The following CNTNAP2 variants were observed in gnomAD, a reference collection of about 807,000 sequenced individuals.
The protein encoded by CNTNAP2 is contactin associated protein 2, also known as contactin-associated protein-like 2.
CNTNAP2 carries 98 observed loss-of-function variants against 155.2 expected under a neutral mutation model. The ratio of observed to expected loss-of-function variants is 0.63; its 90% confidence interval spans 0.54 to 0.75. The LOEUF (loss-of-function observed/expected upper bound fraction) is 0.75, where lower values mean the gene tolerates loss of function less well. Among genes scored for constraint, CNTNAP2 ranks in the 30% least tolerant of loss-of-function variants. The pLI, the probability that CNTNAP2 is intolerant of heterozygous loss-of-function variation, is 0.00. For synonymous variants in CNTNAP2, 651 were observed against 631.2 expected, an observed-to-expected ratio of 1.03 and a Z score of -0.47; for missense variants, 1,727 against 1,688.1, an observed-to-expected ratio of 1.02 and a Z score of -0.40.
chr7:147,604,134 A>C (rs1160016402), intron 12 of CNTNAP2, among the ~76,000 whole-genome samples: 2 of 152,114 alleles, frequency 1.3e-5, no homozygotes, highest in Non-Finnish European at 2.9e-5. Flanking sequence ...AAGAAAACCT[A>C]GGCATTACCA....
chr7:146,608,488 C>G (rs1021476592), intron 1 of CNTNAP2, among the ~76,000 whole-genome samples: 3 of 152,104 alleles, frequency 2.0e-5, no homozygotes, highest in Admixed American at 6.6e-5. Flanking sequence ...AATGACAATA[C>G]AGATTACATG....
chr7:146,831,242 ATTTATGGTT>A (rs923352850), intron 2 of CNTNAP2, among the ~76,000 whole-genome samples: 80 of 152,150 alleles, frequency 5.3e-4, no homozygotes, highest in African/African-American at 1.9e-3. Flanking sequence ...TGTTTTTAAA[ATTTATGGTT>A]TTTATGGTTT....
At chr7:148,407,854 G>A (rs528745467) in intron 22 of CNTNAP2, among the ~76,000 whole-genome samples, 1 of 152,276 alleles carries the variant, frequency 6.6e-6, no homozygotes, top group East Asian at 1.9e-4. Context: ...AGCTTGCTTA[G>A]TGTCTGTGCT....
chr7:147,955,921 A>G (rs1458313574), intron 14 of CNTNAP2, among the ~76,000 whole-genome samples: 1 of 152,228 alleles, frequency 6.6e-6, no homozygotes, highest in East Asian at 1.9e-4. Flanking sequence ...ACTGACTATA[A>G]TCAAACCACA....
chr7:148,234,767 G>T (rs916621690), intron 20 of CNTNAP2, among the ~76,000 whole-genome samples: 1 of 152,212 alleles, frequency 6.6e-6, no homozygotes, highest in African/African-American at 2.4e-5. Flanking sequence ...GCTGGAAAAT[G>T]ATAATGAATA....
At chr7:147,947,640 A>G (rs1464291907) in intron 14 of CNTNAP2, among the ~76,000 whole-genome samples, 1 of 152,028 alleles carries the variant, frequency 6.6e-6, no homozygotes, top group African/African-American at 2.4e-5. Flanking sequence ...CTAAAAAAAC[A>G]AAAAATAAAA....
chr7:148,093,451 C>T (rs983656196), intron 15 of CNTNAP2, among the ~76,000 whole-genome samples: 10 of 152,206 alleles, frequency 6.6e-5, no homozygotes, highest in African/African-American at 2.4e-4. Context: ...GTTCAACATA[C>T]TTGGAAAATA....
In CNTNAP2 at chr7:147,011,844, C is replaced by T. The variant is rs1383932498; in HGVS notation, c.403-32063C>T. Among the ~76,000 whole-genome samples the T allele has an allele frequency of 2.0e-5, 3 of 152,150 alleles. No individual in the cohort carries two copies. In the East Asian group the frequency reaches 5.8e-4, roughly 29 times the overall value. On this transcript the variant is annotated intron_variant, in intron 3 of 23. Coordinates refer to ENST00000361727, the MANE Select transcript of CNTNAP2 (RefSeq NM_014141.6). ...GATGGCAGCCATTCCAGAAAGTGTC[C>T]AGCACCATATTCAGGAGGAAGGAAC...
chr7:146,795,290 A>G (rs1457477581), intron 2 of CNTNAP2, among the ~76,000 whole-genome samples: 2 of 152,224 alleles, frequency 1.3e-5, no homozygotes, highest in African/African-American at 4.8e-5. Flanking sequence ...TGCCAACACT[A>G]TGCTAATTCT....
intron 19 of CNTNAP2, among the ~76,000 whole-genome samples, chr7:148,222,003 C>A (rs1795754843): frequency 6.6e-6 from 1 of 152,226 alleles, no homozygotes; most frequent in Non-Finnish European, 1.5e-5. Context: ...GTTTTGGAGG[C>A]CACCTGCCCA....
intron 1 of CNTNAP2, among the ~76,000 whole-genome samples, chr7:146,353,894 A>G (rs963491549): frequency 2.0e-5 from 3 of 152,188 alleles, no homozygotes; most frequent in Admixed American, 6.5e-5. Flanking sequence ...ATTGATTTAC[A>G]ATTTAAGTTT....
chr7:148,316,818 C>T (rs1034604265), intron 21 of CNTNAP2, among the ~76,000 whole-genome samples: 7 of 152,152 alleles, frequency 4.6e-5, no homozygotes, highest in Admixed American at 2.0e-4. Context: ...CTGGAGGCAC[C>T]AGTGTATATA....
chr7:147,310,947 T>C (rs1563155544), intron 9 of CNTNAP2, among the ~76,000 whole-genome samples: 2 of 152,044 alleles, frequency 1.3e-5, no homozygotes, highest in African/African-American at 4.8e-5. Flanking sequence ...TCCAGGAGTA[T>C]AGGGGTTTCT....
At chr7:148,047,575 T>C (rs1802797177) in intron 15 of CNTNAP2, among the ~76,000 whole-genome samples, 1 of 152,158 alleles carries the variant, frequency 6.6e-6, no homozygotes, top group African/African-American at 2.4e-5. Context: ...GGGGGAAATG[T>C]GGCAGTAAAT....
intron 13 of CNTNAP2, among the ~76,000 whole-genome samples, chr7:147,756,093 A>G (rs1289262238): frequency 6.6e-6 from 1 of 152,224 alleles, no homozygotes; most frequent in East Asian, 1.9e-4. Context: ...GCTTCATAAC[A>G]ATGACACACA....
At chr7:147,605,081 C>T (rs1464272664) in intron 12 of CNTNAP2, among the ~76,000 whole-genome samples, 1 of 73,404 alleles carries the variant, frequency 1.4e-5, no homozygotes, top group Non-Finnish European at 2.5e-5. Flanking sequence ...GTTCATAGTG[C>T]AAAGTAGCAG....
At chr7:146,146,483 T>C (rs1797959940) in intron 1 of CNTNAP2, among the ~76,000 whole-genome samples, 1 of 152,178 alleles carries the variant, frequency 6.6e-6, no homozygotes, top group Non-Finnish European at 1.5e-5. Context: ...ATTGATATAC[T>C]TTATTCTTGT....
intron 14 of CNTNAP2, among the ~76,000 whole-genome samples, chr7:147,969,734 AAACT>A (rs1801297212): frequency 6.6e-6 from 1 of 152,106 alleles, no homozygotes; most frequent in Non-Finnish European, 1.5e-5. Flanking sequence ...TATTTAACAA[AAACT>A]AACTTTGGCT....
At chr7:146,535,231 TTATATCA>T (rs1227065257) in intron 1 of CNTNAP2, among the ~76,000 whole-genome samples, 1 of 37,050 alleles carries the variant, frequency 2.7e-5, no homozygotes, top group Non-Finnish European at 4.0e-5. Context: ...ATCATATATA[TTATATCA>T]TATATCATAT....
Sources: gnomAD v4.1 joint callset for allele counts (sites outside exome capture counted in the v4.1 genomes callset) on GRCh38, gnomAD v4.1.1 for gene constraint, MANE v1.5 for transcripts, NCBI Gene and HGNC (gene_info 2026-07-23, HGNC 2026-07-21) for gene names.